The following LRRC1 variants were observed in gnomAD, a reference collection of about 807,000 sequenced individuals.
LRRC1 encodes leucine-rich repeat-containing protein 1.
In LRRC1, 28 loss-of-function variants were observed where a neutral mutation model predicts 69.9. The ratio of observed to expected loss-of-function variants is 0.40; its 90% CI spans 0.30 to 0.55. The LOEUF (loss-of-function observed/expected upper bound fraction) is 0.55, where lower values mean the gene tolerates loss of function less well. Among genes scored for constraint, LRRC1 ranks in the 20% least tolerant of loss-of-function variants. The pLI is 0.47. For synonymous variants in LRRC1, 236 were observed against 240.2 expected, an observed-to-expected ratio of 0.98 and a Z score of 0.16; for missense variants, 498 against 609.0, an observed-to-expected ratio of 0.82 and a Z score of 1.92.
chr6:53,832,215 T>C (rs4640878), intron 1 of LRRC1, among the ~76,000 whole-genome samples: 1 of 152,026 alleles, frequency 6.6e-6, no homozygotes, highest in Non-Finnish European at 1.5e-5. Flanking sequence ...CAAGAGCCAT[T>C]TGTTATCCTT....
chr6:53,846,324 AT>A (rs1028886600), intron 2 of LRRC1, among the ~76,000 whole-genome samples: 2 of 152,144 alleles, frequency 1.3e-5, no homozygotes, highest in African/African-American at 2.4e-5. Flanking sequence ...GGATTTATTT[AT>A]TTTTTTTCTG....
In LRRC1 at chr6:53,923,030, A is replaced by C; in HGVS notation, c.*237A>C. On this transcript the variant is annotated 3_prime_UTR_variant, in exon 14 of 14. Coordinates refer to ENST00000370888, the MANE Select transcript of LRRC1 (RefSeq NM_018214.5). Reference sequence around the variant, plus strand: ...TTTTTAATTTCAGTTGTTTGTAATAAGTAGAATACACTACTGTAAACATAC... The same window carrying C: ...TTTTTAATTTCAGTTGTTTGTAATACGTAGAATACACTACTGTAAACATAC... The C allele has an allele frequency of 4.6e-6, 2 of 430,348 alleles. No individual in the cohort carries two copies. The highest frequency in any genetic ancestry group is 4.2e-6 in the Non-Finnish European group (1 of 240,112). 26.7% of individuals were successfully genotyped at this position (430,348 alleles called of 1,614,324 possible). A position where few individuals can be genotyped will look rare whatever the true frequency, so the allele number is the denominator to read the frequency against.
At chr6:53,913,112 T>TA (rs1768463246) in intron 10 of LRRC1, among the ~76,000 whole-genome samples, 1 of 152,108 alleles carries the variant, frequency 6.6e-6, no homozygotes, top group Non-Finnish European at 1.5e-5. Context: ...TTGCTTACTT[T>TA]AAAAAAATGG....
At chr6:53,914,529 C>T (rs1309727530) in intron 11 of LRRC1, among the ~76,000 whole-genome samples, 1 of 152,108 alleles carries the variant, frequency 6.6e-6, no homozygotes, top group African/African-American at 2.4e-5. Context: ...AGACTAGTAT[C>T]CCCAAGGTCA....
intron 1 of LRRC1, among the ~76,000 whole-genome samples, chr6:53,809,730 T>C (rs1764737115): frequency 6.6e-6 from 1 of 152,244 alleles, no homozygotes; most frequent in Non-Finnish European, 1.5e-5. Context: ...TTCAATTCAC[T>C]GGTAGTTTCC....
In LRRC1 at chr6:53,883,916, A is replaced by G. The variant is rs562148239; in HGVS notation, c.446+940A>G. 8 of 717,678 alleles carry G rather than the reference A, an allele frequency of 1.1e-5. No individual in the cohort carries two copies. The African/African-American group carries it at 1.2e-4, about 11-fold the overall frequency. The allele number at this position is 717,678 out of a possible 1,614,324, so 44.5% of individuals were successfully genotyped here. On this transcript the variant is annotated intron_variant, in intron 4 of 13. Transcript: ENST00000370888. ...TCCAGAGGTTTATAAGAATATTTGC[A>G]GACAGCTTTTCCCTTTCCTTTCTAT...
intron 10 of LRRC1, among the ~76,000 whole-genome samples, chr6:53,906,416 G>A (rs2127439083): frequency 6.6e-6 from 1 of 152,308 alleles, no homozygotes; most frequent in African/African-American, 2.4e-5. Context: ...TTCTTTCAAG[G>A]CAGATCATGA....
At chr6:53,821,765 T>C (rs1765121773) in intron 1 of LRRC1, among the ~76,000 whole-genome samples, 1 of 152,232 alleles carries the variant, frequency 6.6e-6, no homozygotes, top group African/African-American at 2.4e-5. Context: ...AAGATGACTT[T>C]AAGGGAATTT....
intron 11 of LRRC1, among the ~76,000 whole-genome samples, chr6:53,918,407 A>C (rs1195174877): frequency 6.6e-6 from 1 of 152,210 alleles, no homozygotes; most frequent in Non-Finnish European, 1.5e-5. Context: ...TTACTGTAAA[A>C]AGTTTGTTAA....
chr6:53,887,354 A>T (rs1228375143), intron 4 of LRRC1, among the ~76,000 whole-genome samples: 6 of 152,200 alleles, frequency 3.9e-5, no homozygotes, highest in Admixed American at 3.3e-4. Flanking sequence ...CTTTTTAATA[A>T]CATTTCCAAC....
intron 4 of LRRC1, among the ~76,000 whole-genome samples, chr6:53,887,308 A>C (rs1473107568): frequency 6.6e-6 from 1 of 152,262 alleles, no homozygotes; most frequent in Admixed American, 6.5e-5. Context: ...TTTTAAAGAA[A>C]CAAATGCTTT....
At position 53,795,353 on chromosome 6, in the gene LRRC1, C is replaced by A; in HGVS notation, c.97C>A (p.Arg33Ser). 1 of 1,613,800 alleles carries A rather than the reference C, an allele frequency of 6.2e-7. No individual in the cohort carries two copies. The highest frequency in any genetic ancestry group is 8.5e-7 in the Non-Finnish European group (1 of 1,179,964). Residue 33 changes from arginine to serine, a missense_variant, in exon 1 of 14, where the codon CGC (arginine) becomes AGC (serine). Coordinates refer to ENST00000370888, the MANE Select transcript of LRRC1 (RefSeq NM_018214.5). ...GGTCTACGTCCCCGAGGAGATCTAC[C>A]GCTATGCCCGGAGCCTGGAGGAGCT... ...SLVYVPEEIYRYARSLEELLL... is the reference protein window; with the variant it reads ...SLVYVPEEIYSYARSLEELLL...
chr6:53,802,687 A>C (rs1764519806), intron 1 of LRRC1, among the ~76,000 whole-genome samples: 1 of 152,198 alleles, frequency 6.6e-6, no homozygotes, highest in South Asian at 2.1e-4. Context: ...TGACCCTGGT[A>C]ACCCTGTGGG....
chr6:53,899,864 T>G lies in LRRC1; in HGVS notation c.760T>G (p.Leu254Val). 6.2e-7 allele frequency: 1 copy of G among 1,613,908 alleles called. No homozygotes were observed. Among genetic ancestry groups the G allele is most frequent in the Non-Finnish European group, 8.5e-7 (1 of 1,179,926 alleles). The change falls in exon 8 of 14, where the codon TTA (leucine) becomes GTA (valine). Residue 254 changes from leucine (L) to valine (V), a missense_variant. Physicochemically the swap from Leu to Val is conservative, Grantham distance 32. Transcript: ENST00000370888. ...SLTDLVISQNLLETIPDGIGK... is the reference protein window; with the variant it reads ...SLTDLVISQNVLETIPDGIGK... ...AACGGATTTAGTCATTTCCCAGAAC[T>G]TATTAGAAACGATTCCGGATGGCAT...
At chr6:53,830,065 T>C (rs1054195498) in intron 1 of LRRC1, among the ~76,000 whole-genome samples, 4 of 152,226 alleles carry the variant, frequency 2.6e-5, no homozygotes, top group African/African-American at 7.2e-5. Context: ...AGAGCTGAGC[T>C]GCAATGAAAG....
chr6:53,836,486 T>C (rs991404226), intron 1 of LRRC1, among the ~76,000 whole-genome samples: 5 of 152,194 alleles, frequency 3.3e-5, no homozygotes, highest in Non-Finnish European at 5.9e-5. Context: ...ATTATCATTG[T>C]TGTTTTGGTT....
At chr6:53,911,325 T>C (rs180910866) in intron 10 of LRRC1, among the ~76,000 whole-genome samples, 63 of 152,284 alleles carry the variant, frequency 4.1e-4, no homozygotes, top group African/African-American at 1.4e-3. Context: ...AATTAATTAA[T>C]TTTTTTGACT....
rs1428852703 is a variant in LRRC1 at position 53,892,011 on chromosome 6, T to TATACAC, written c.447-4486_447-4485insTACACA. Among the ~76,000 whole-genome samples, 350 of 135,354 alleles carry TATACAC rather than the reference T, an allele frequency of 2.6e-3. 1 individual carries two copies. Among genetic ancestry groups the TATACAC allele is most frequent in the African/African-American group, 8.3e-3 (289 of 35,018 alleles). 88.8% of individuals were successfully genotyped at this position (135,354 alleles called of 152,430 possible). A position where few individuals can be genotyped will look rare whatever the true frequency, so the allele number is the denominator to read the frequency against. ...TGTCTAAAAAAAAAATATATATATA[T>TATACAC]ACACACACACACACACACACACACA... On this transcript the variant is annotated intron_variant, in intron 4 of 13. Transcript: ENST00000370888.
intron 2 of LRRC1, among the ~76,000 whole-genome samples, chr6:53,854,813 T>C (rs1766258777): frequency 1.3e-5 from 2 of 152,262 alleles, no homozygotes; most frequent in East Asian, 3.8e-4. Flanking sequence ...TAGATATTCC[T>C]ATCTTGCTTT....
Sources: allele counts gnomAD v4.1 joint callset (sites outside exome capture counted in the v4.1 genomes callset), GRCh38; gene constraint gnomAD v4.1.1; transcripts MANE v1.5; gene names NCBI Gene and HGNC (gene_info 2026-07-23, HGNC 2026-07-21).